PRR5L: variants seen among roughly 807,000 people sequenced by gnomAD.
PRR5L encodes proline-rich protein 5-like.
A neutral mutation model predicts 36.4 loss-of-function variants in PRR5L; 21 were observed. That is an observed-to-expected ratio of 0.58 (90% CI 0.41 to 0.83). The LOEUF (loss-of-function observed/expected upper bound fraction) is 0.83. Ranked by LOEUF, PRR5L falls within the 40% of genes least tolerant of loss-of-function variation. The pLI, the probability that PRR5L is intolerant of heterozygous loss-of-function variation, is 0.00. For missense variants in PRR5L, 381 were observed against 473.3 expected (o/e 0.80, Z 1.81); for synonymous variants, 188 against 197.0 (o/e 0.95, Z 0.38).
intron 3 of PRR5L, among the ~76,000 whole-genome samples, chr11:36,410,215 T>C (rs1214295510): frequency 1.3e-5 from 2 of 152,192 alleles, no homozygotes; most frequent in Admixed American, 1.3e-4. Context: ...TGGTTTGGCC[T>C]AAAAGTTGTT....
intron 4 of PRR5L, among the ~76,000 whole-genome samples, chr11:36,431,271 G>A (rs1271748690): frequency 6.6e-6 from 1 of 152,188 alleles, no homozygotes; most frequent in Admixed American, 6.5e-5. Flanking sequence ...TAAATGAGAT[G>A]AAGGATATAA....
intron 1 of PRR5L, among the ~76,000 whole-genome samples, chr11:36,338,403 C>T (rs748388537): frequency 7.2e-5 from 11 of 152,146 alleles, no homozygotes; most frequent in African/African-American, 2.2e-4. Flanking sequence ...GATTCTTTCC[C>T]GTAATTGCTG....
chr11:36,364,194 T>G (rs1857122027), intron 1 of PRR5L, among the ~76,000 whole-genome samples: 2 of 152,222 alleles, frequency 1.3e-5, no homozygotes, highest in Admixed American at 1.3e-4. Context: ...TAGTGTTGTT[T>G]CATGTTTTAG....
intron 8 of PRR5L, among the ~76,000 whole-genome samples, chr11:36,453,492 C>T (rs1255384032): frequency 7.9e-5 from 12 of 152,202 alleles, no homozygotes; most frequent in Admixed American, 1.3e-4. Context: ...CTAGGACAGT[C>T]CCTGCCTCTA....
chr11:36,394,833 G>A (rs1857624076), intron 1 of PRR5L, among the ~76,000 whole-genome samples: 1 of 152,096 alleles, frequency 6.6e-6, no homozygotes, highest in African/African-American at 2.4e-5. Flanking sequence ...ACAGGTTTTG[G>A]TGACAAGTGT....
intron 1 of PRR5L, among the ~76,000 whole-genome samples, chr11:36,298,661 G>A (rs1347192561): frequency 6.6e-6 from 1 of 152,202 alleles, no homozygotes; most frequent in Non-Finnish European, 1.5e-5. Context: ...GTGTGGCCTG[G>A]TTCCTAACAG....
In PRR5L at chr11:36,407,403, G is replaced by GA. The variant is rs1441816062; in HGVS notation, c.245+4031dup. Among the ~76,000 whole-genome samples the GA allele has an allele frequency of 3.3e-5, 5 of 152,248 alleles. No homozygotes were observed. The South Asian group carries it at 1.0e-3, about 32-fold the overall frequency. ...GGCAACAGAGCAAGATCCTGTCTCAGAAAAAACTTCTCCAGCAGTTTGGAT... is the reference window on the plus strand; with the variant it reads ...GGCAACAGAGCAAGATCCTGTCTCAGAAAAAAACTTCTCCAGCAGTTTGGAT... On this transcript the variant is annotated intron_variant, in intron 3 of 8. Coordinates refer to ENST00000530639, the MANE Select transcript of PRR5L (RefSeq NM_001160167.2).
At chr11:36,324,762 T>C (rs943979167) in intron 1 of PRR5L, among the ~76,000 whole-genome samples, 4 of 152,120 alleles carry the variant, frequency 2.6e-5, no homozygotes, top group Non-Finnish European at 4.4e-5. Flanking sequence ...TACTGAAAAC[T>C]AAAAAGTAGA....
chr11:36,434,892 G>A (rs145269183), intron 5 of PRR5L, among the ~76,000 whole-genome samples: 149 of 152,172 alleles, frequency 9.8e-4, no homozygotes, highest in East Asian at 4.4e-3. Flanking sequence ...CTGGGTTCTC[G>A]GGAGGCGTCT....
chr11:36,372,880 A>C (rs1357675553), intron 1 of PRR5L, among the ~76,000 whole-genome samples: 2 of 152,196 alleles, frequency 1.3e-5, no homozygotes, highest in African/African-American at 4.8e-5. Flanking sequence ...ATACAATCTA[A>C]TATAGAACAT....
chr11:36,320,309 T>A (rs1856602049), intron 1 of PRR5L, among the ~76,000 whole-genome samples: 1 of 149,262 alleles, frequency 6.7e-6, no homozygotes, highest in South Asian at 2.1e-4. Flanking sequence ...AGTGGTGCGA[T>A]CTCGGCTCAG....
At chr11:36,414,269 C>A (rs377477536) in intron 3 of PRR5L, among the ~76,000 whole-genome samples, 1 of 150,430 alleles carries the variant, frequency 6.6e-6, no homozygotes. Context: ...TCTAGTTCTA[C>A]ATCCCTGAGG....
chr11:36,459,097 C>T (rs1324471734), intron 8 of PRR5L, among the ~76,000 whole-genome samples: 1 of 152,194 alleles, frequency 6.6e-6, no homozygotes, highest in Admixed American at 6.5e-5. Flanking sequence ...TCTCCCATGG[C>T]CGTGCCTTCA....
At chr11:36,315,126 G>A (rs1044435775) in intron 1 of PRR5L, among the ~76,000 whole-genome samples, 5 of 152,138 alleles carry the variant, frequency 3.3e-5, no homozygotes, top group Non-Finnish European at 7.4e-5. Context: ...CTATCTAGAC[G>A]GCACTAGGAA....
At chr11:36,345,533 G>A (rs900314736) in intron 1 of PRR5L, among the ~76,000 whole-genome samples, 1 of 152,148 alleles carries the variant, frequency 6.6e-6, no homozygotes, top group Non-Finnish European at 1.5e-5. Flanking sequence ...CATAGTTTTT[G>A]GTGAGACAAG....
At chr11:36,449,143 A>G (rs1021936101) in intron 7 of PRR5L, among the ~76,000 whole-genome samples, 3 of 152,126 alleles carry the variant, frequency 2.0e-5, no homozygotes, top group Admixed American at 2.0e-4. Context: ...TGTGACTGTG[A>G]AGAACCCGGA....
intron 1 of PRR5L, among the ~76,000 whole-genome samples, chr11:36,336,332 C>A (rs1856768705): frequency 6.6e-6 from 1 of 152,090 alleles, no homozygotes. Flanking sequence ...TGGGCTCAAG[C>A]AATCCTCCCA....
intron 1 of PRR5L, among the ~76,000 whole-genome samples, chr11:36,370,316 A>G (rs1425995051): frequency 6.6e-6 from 1 of 152,194 alleles, no homozygotes. Flanking sequence ...ATGGAAGATC[A>G]TCCTTGATGA....
rs544755081 is a variant in PRR5L at position 36,353,971 on chromosome 11, G to A, written c.-125-47026G>A. Among the ~76,000 whole-genome samples, 4 of 152,270 alleles carry A rather than the reference G, an allele frequency of 2.6e-5. No individual in the cohort carries two copies. The South Asian group carries it at 8.3e-4, about 32-fold the overall frequency. On this transcript the variant is annotated intron_variant, in intron 1 of 8. Transcript: ENST00000530639. ...ATGGAGAAAGGGAAAAAGGAGAGAAGCCAGAGGAGACAAAGAATCAATAGT... is the reference window on the plus strand; with the variant it reads ...ATGGAGAAAGGGAAAAAGGAGAGAAACCAGAGGAGACAAAGAATCAATAGT...
Sources: gnomAD v4.1 joint callset for allele counts (sites outside exome capture counted in the v4.1 genomes callset) on GRCh38, gnomAD v4.1.1 for gene constraint, MANE v1.5 for transcripts, NCBI Gene and HGNC (gene_info 2026-07-23, HGNC 2026-07-21) for gene names.